The following PCDHGA6 variants were observed in gnomAD, a reference collection of about 807,000 sequenced individuals.
PCDHGA6 encodes protocadherin gamma subfamily A, 6, also known as protocadherin gamma-A6.
Under a neutral mutation model 60.6 loss-of-function variants are expected in PCDHGA6, and 41 were observed. The ratio of observed to expected loss-of-function variants is 0.68; its 90% CI spans 0.53 to 0.88. The LOEUF is 0.88. Among genes scored for constraint, PCDHGA6 ranks in the 40% least tolerant of loss-of-function variants. The pLI, the probability that PCDHGA6 is intolerant of heterozygous loss-of-function variation, is 0.00. For synonymous variants in PCDHGA6, 594 were observed against 524.4 expected (o/e 1.13, Z -1.81); for missense variants, 1,312 against 1,203.0 (o/e 1.09, Z -1.34).
At chr5:141,404,720 A>C in intron 1 of PCDHGA6, 1 of 1,613,804 alleles carries the variant, frequency 6.2e-7, no homozygotes, top group Non-Finnish European at 8.5e-7. Flanking sequence ...CCTGGTGACC[A>C]AGGTGGTGGC....
intron 1 of PCDHGA6, chr5:141,419,330 C>G (rs2096361200): frequency 1.9e-6 from 3 of 1,613,958 alleles, no homozygotes; most frequent in Non-Finnish European, 2.5e-6. Context: ...CTCCTACTCT[C>G]TCATTGCCAG....
chr5:141,471,626 G>A (rs938624727), intron 1 of PCDHGA6: 2 of 152,108 alleles, frequency 1.3e-5, no homozygotes, highest in South Asian at 4.1e-4. Context: ...GTAAGCATTG[G>A]TATGGATTAG....
At chr5:141,488,134 A>G (rs546928916) in intron 1 of PCDHGA6, among the ~76,000 whole-genome samples, 1 of 152,332 alleles carries the variant, frequency 6.6e-6, no homozygotes, top group African/African-American at 2.4e-5. Flanking sequence ...GAAAGAGGAG[A>G]GAACTAAAGG....
At position 141,446,758 on chromosome 5, in the gene PCDHGA6, C is replaced by T. The variant is rs776925316; in HGVS notation, c.2425-48049C>T. Among the ~76,000 whole-genome samples, 10 of 152,208 alleles carry T rather than the reference C, an allele frequency of 6.6e-5. 1 individual carries two copies. Among genetic ancestry groups the T allele is most frequent in the African/African-American group, 9.7e-5 (4 of 41,448 alleles). On this transcript the variant is annotated intron_variant, in intron 1 of 3. Transcript: ENST00000517434. ...TGGGGATTACAGGCGTGAGCCACCG[C>T]GCCCAGCCGGTTACCATTCTTTTAC...
intron 1 of PCDHGA6, among the ~76,000 whole-genome samples, chr5:141,460,508 G>C (rs1390313220): frequency 6.6e-6 from 1 of 152,040 alleles, no homozygotes; most frequent in East Asian, 1.9e-4. Context: ...TGCTGAGAAG[G>C]CTATCTTTTC....
intron 1 of PCDHGA6, among the ~76,000 whole-genome samples, chr5:141,436,162 G>A (rs1036923915): frequency 2.6e-5 from 4 of 152,142 alleles, no homozygotes; most frequent in African/African-American, 7.2e-5. Flanking sequence ...TTTATCATAT[G>A]GACAGTTCTC....
intron 1 of PCDHGA6, chr5:141,471,535 T>C (rs553186728): frequency 6.6e-6 from 1 of 152,368 alleles, no homozygotes; most frequent in African/African-American, 2.4e-5. Context: ...GAAGCTATGA[T>C]AGCATTTAAG....
chr5:141,461,389 G>T (rs2099014363), intron 1 of PCDHGA6, among the ~76,000 whole-genome samples: 1 of 152,110 alleles, frequency 6.6e-6, no homozygotes. Context: ...CTGATGATTA[G>T]CGATGTTGAG....
At chr5:141,424,094 A>G (rs1036391991) in intron 1 of PCDHGA6, 11 of 864,422 alleles carry the variant, frequency 1.3e-5, no homozygotes, top group Non-Finnish European at 1.4e-5. Context: ...ATTATTTGCT[A>G]TTACTGCTAA....
intron 1 of PCDHGA6, chr5:141,423,692 G>T: frequency 7.1e-7 from 1 of 1,405,756 alleles, no homozygotes; most frequent in Non-Finnish European, 9.4e-7. Context: ...CCTAATTGTT[G>T]GTGTCTTGGC....
At chr5:141,453,865 A>T (rs1048679358) in intron 1 of PCDHGA6, among the ~76,000 whole-genome samples, 2 of 152,234 alleles carry the variant, frequency 1.3e-5, no homozygotes, top group African/African-American at 4.8e-5. Flanking sequence ...AAAATAACAG[A>T]TGAGCAAAAT....
Position 141,486,676 on chromosome 5 carries a change from T to A in PCDHGA6, c.2425-8131T>A, listed in dbSNP as rs375080564. On this transcript the variant is annotated intron_variant, in intron 1 of 3. Coordinates refer to ENST00000517434, the MANE Select transcript of PCDHGA6 (RefSeq NM_018919.3). This position sits in a 1 kb window ranked among gnomAD's most constrained non-coding sequence, Gnocchi z 5.0. ...CACTCCTGGAGCCCAGGAATCGAGA[T>A]GTATCAGCTTCCTCTTTCATCTCTC... 3 of 1,614,002 alleles carry A rather than the reference T, an allele frequency of 1.9e-6. No homozygotes were observed. The highest frequency in any genetic ancestry group is 2.5e-6 in the Non-Finnish European group (3 of 1,180,036).
At chr5:141,480,497 A>G (rs909585240) in intron 1 of PCDHGA6, among the ~76,000 whole-genome samples, 6 of 152,236 alleles carry the variant, frequency 3.9e-5, no homozygotes, top group Non-Finnish European at 8.8e-5. Flanking sequence ...CCTTAGAAAT[A>G]CACATATGAG....
At chr5:141,509,077 C>A (rs1371396735) in intron 3 of PCDHGA6, among the ~76,000 whole-genome samples, 3 of 152,242 alleles carry the variant, frequency 2.0e-5, no homozygotes, top group Admixed American at 2.0e-4. Flanking sequence ...CGGGGATTTG[C>A]GACATGAAAT....
chr5:141,448,335 A>T (rs567377336), intron 1 of PCDHGA6, among the ~76,000 whole-genome samples: 1 of 152,108 alleles, frequency 6.6e-6, no homozygotes, highest in Non-Finnish European at 1.5e-5. Flanking sequence ...CTTTATAGCC[A>T]TGTACCTCAA....
chr5:141,429,913 T>C (rs1013990672), intron 1 of PCDHGA6, among the ~76,000 whole-genome samples: 29 of 152,238 alleles, frequency 1.9e-4, no homozygotes, highest in African/African-American at 7.0e-4. Context: ...TGAAATATAA[T>C]GTATTAATAG....
intron 1 of PCDHGA6, chr5:141,414,344 T>C: frequency 6.2e-7 from 1 of 1,613,882 alleles, no homozygotes; most frequent in Non-Finnish European, 8.5e-7. Flanking sequence ...ACCTGTTCCA[T>C]TTTGGCGTAT....
intron 1 of PCDHGA6, chr5:141,394,967 C>T: frequency 6.2e-7 from 1 of 1,613,950 alleles, no homozygotes; most frequent in Non-Finnish European, 8.5e-7. Flanking sequence ...GGCTGAGGCG[C>T]TGGCACAAGT....
At chr5:141,401,861 G>T (rs934405271) in intron 1 of PCDHGA6, among the ~76,000 whole-genome samples, 1 of 152,122 alleles carries the variant, frequency 6.6e-6, no homozygotes, top group African/African-American at 2.4e-5. Flanking sequence ...TAACCTTTCA[G>T]TAGTTTTCTT....
Sources: allele counts gnomAD v4.1 joint callset (sites outside exome capture counted in the v4.1 genomes callset), GRCh38; gene constraint gnomAD v4.1.1; non-coding constraint Gnocchi (gnomAD v3.1); transcripts MANE v1.5; gene names NCBI Gene and HGNC (gene_info 2026-07-23, HGNC 2026-07-21).